Variants in NT5C1B observed in about 807,000 individuals in gnomAD.
NT5C1B encodes 5'-nucleotidase, cytosolic IB.
NT5C1B carries 44 observed loss-of-function variants against 57.8 expected under a neutral mutation model. The ratio of observed to expected loss-of-function variants is 0.76; its 90% CI spans 0.60 to 0.98. The LOEUF (loss-of-function observed/expected upper bound fraction) is 0.98, where lower values mean the gene tolerates loss of function less well. Among genes scored for constraint, NT5C1B ranks in the 50% least tolerant of loss-of-function variants. The pLI, the probability that NT5C1B is intolerant of heterozygous loss-of-function variation, is 0.00. For missense variants in NT5C1B, 742 were observed against 719.5 expected, an observed-to-expected ratio of 1.03 and a Z score of -0.36; for synonymous variants, 284 against 282.6, an observed-to-expected ratio of 1.00 and a Z score of -0.05.
At chr2:18,568,551 A>G (rs945476499) in intron 8 of NT5C1B, among the ~76,000 whole-genome samples, 1 of 152,226 alleles carries the variant, frequency 6.6e-6, no homozygotes, top group African/African-American at 2.4e-5. Context: ...TATGAAATAC[A>G]TATTTTTGCC....
chr2:18,586,426 C>A (rs1488098790), intron 2 of NT5C1B, 35 bp from the exon 3 acceptor site: 1 of 1,610,550 alleles, frequency 6.2e-7, no homozygotes, highest in South Asian at 1.1e-5. Context: ...CGGTGTAAAA[C>A]CCCATCACCA....
At chr2:18,571,603 A>C (rs1390249925) in intron 8 of NT5C1B, among the ~76,000 whole-genome samples, 1 of 151,050 alleles carries the variant, frequency 6.6e-6, no homozygotes, top group Non-Finnish European at 1.5e-5. Context: ...CTATAAATAA[A>C]ATAAAAATAA....
At chr2:18,585,477 C>T (rs528036216) in intron 3 of NT5C1B, among the ~76,000 whole-genome samples, 2 of 152,166 alleles carry the variant, frequency 1.3e-5, no homozygotes, top group Admixed American at 6.5e-5. Flanking sequence ...TGTCTCTCCC[C>T]GCTCCCCATG....
At chr2:18,587,408 T>A in intron 2 of NT5C1B, 95 bp downstream of exon 2, 1 of 1,561,130 alleles carries the variant, frequency 6.4e-7, no homozygotes, top group African/African-American at 1.4e-5. Context: ...TCTCAACAGC[T>A]TGGTCTTCTC....
intron 8 of NT5C1B, among the ~76,000 whole-genome samples, chr2:18,567,662 C>T (rs1664766633): frequency 6.6e-6 from 1 of 152,164 alleles, no homozygotes; most frequent in Non-Finnish European, 1.5e-5. Context: ...AAACCTAAAA[C>T]AACTTTAATA....
chr2:18,589,064 T>C (rs1359361234), intron 1 of NT5C1B, among the ~76,000 whole-genome samples: 1 of 152,224 alleles, frequency 6.6e-6, no homozygotes, highest in African/African-American at 2.4e-5. Flanking sequence ...TACATACTTT[T>C]ATGGAGCAAT....
chr2:18,566,882 G>A (rs1202270818), intron 8 of NT5C1B, among the ~76,000 whole-genome samples: 3 of 152,126 alleles, frequency 2.0e-5, no homozygotes, highest in Admixed American at 1.3e-4. Flanking sequence ...TAACCACCTA[G>A]CATGAAAACT....
At chr2:18,571,551 A>G (rs1665153415) in intron 8 of NT5C1B, among the ~76,000 whole-genome samples, 1 of 151,590 alleles carries the variant, frequency 6.6e-6, no homozygotes, top group South Asian at 2.1e-4. Context: ...CATGGACAGA[A>G]AGACTTAATA....
chr2:18,587,063 G>T (rs1237154064), intron 2 of NT5C1B: 2 of 1,614,086 alleles, frequency 1.2e-6, no homozygotes, highest in Non-Finnish European at 1.7e-6. Context: ...GTATTGTGTG[G>T]CAGGGGCCAA....
At chr2:18,571,171 A>G (rs1452812445) in intron 8 of NT5C1B, among the ~76,000 whole-genome samples, 1 of 152,216 alleles carries the variant, frequency 6.6e-6, no homozygotes, top group Non-Finnish European at 1.5e-5. Context: ...TACTGGATGT[A>G]CTAGCAAGGT....
At position 18,584,889 on chromosome 2, in the gene NT5C1B, C is replaced by T; in HGVS notation, c.348G>A (p.Ser116=). The T allele has an allele frequency of 6.3e-7, 1 of 1,580,460 alleles. No homozygotes were observed. Among genetic ancestry groups the T allele is most frequent in the Admixed American group, 1.8e-5 (1 of 56,732 alleles). ...GCTGGGGCGACGCGGGTGGCTGGAGCGAGGGCTGCCCGGACAGCGGCGGCG... is the reference window on the plus strand; with the variant it reads ...GCTGGGGCGACGCGGGTGGCTGGAGTGAGGGCTGCCCGGACAGCGGCGGCG... The change falls in exon 4 of 9, where the codon TCG becomes TCA. Residue 116 remains serine (S), a synonymous_variant. Transcript: ENST00000304081. The surrounding 1 kb of genome is among the most constrained non-coding windows in gnomAD (Gnocchi z 5.8).
chr2:18,572,891 T>C (rs914727478), intron 8 of NT5C1B, among the ~76,000 whole-genome samples: 1 of 152,256 alleles, frequency 6.6e-6, no homozygotes, highest in African/African-American at 2.4e-5. Context: ...AATTTTACTG[T>C]ATCTCATCAA....
At chr2:18,582,981 T>C (rs751737214) in exon 6 of NT5C1B, 4 of 1,613,820 alleles carry the variant, frequency 2.5e-6, no homozygotes, top group Non-Finnish European at 2.5e-6. Flanking sequence ...GAGTCTAGCA[T>C]TGACATACTG....
Position 18,586,339 on chromosome 2 carries a change from C to A in NT5C1B, c.173G>T (p.Arg58Leu), listed in dbSNP as rs367871143. Reference sequence around the variant, plus strand: ...CCGGGATATTCTAGACCATTGACTGCGCACAAGGTACCCTCGAGAGTCTGT... The same window carrying A: ...CCGGGATATTCTAGACCATTGACTGAGCACAAGGTACCCTCGAGAGTCTGT... The change falls in exon 3 of 9, where the codon CGC becomes CTC. Residue 58 changes from arginine (R) to leucine (L), a missense_variant. By Grantham distance (102) the Arg-to-Leu change is moderately radical. Transcript: ENST00000304081. The A allele has an allele frequency of 5.6e-6, 9 of 1,614,108 alleles. No individual in the cohort carries two copies. The highest frequency in any genetic ancestry group is 2.7e-5 in the African/African-American group (2 of 75,030).
chr2:18,584,748 T>G lies in NT5C1B; in HGVS notation c.489A>C (p.Glu163Asp), dbSNP rs1666531167. Residue 163 changes from glutamate (E) to aspartate (D), a missense_variant, in exon 4 of 9, where the codon GAA becomes GAC. Physicochemically the swap from Glu to Asp is conservative, Grantham distance 45 (BLOSUM62 2). Transcript: ENST00000304081. This position sits in a 1 kb window ranked among gnomAD's most constrained non-coding sequence, Gnocchi z 5.8. ...GCTGCGAGTCCCGGGTCTGGCGGATTTCCCGCACGATGCCTTGGGCCCAGG... is the reference window on the plus strand; with the variant it reads ...GCTGCGAGTCCCGGGTCTGGCGGATGTCCCGCACGATGCCTTGGGCCCAGG... The G allele has an allele frequency of 1.2e-6, 2 of 1,613,434 alleles. No homozygotes were observed. Among genetic ancestry groups the G allele is most frequent in the Non-Finnish European group, 1.7e-6 (2 of 1,179,752 alleles).
intron 5 of NT5C1B, chr2:18,583,424 C>T (rs1666358753): frequency 5.4e-6 from 1 of 184,388 alleles, no homozygotes. Flanking sequence ...TCATGCAAAT[C>T]GTCTCTCTTT....
intron 6 of NT5C1B, 38 bp downstream of exon 6, chr2:18,582,830 G>A (rs376101270): frequency 1.4e-4 from 225 of 1,599,410 alleles, no homozygotes; most frequent in Admixed American, 1.2e-3. Flanking sequence ...CTTTCAGAGC[G>A]GAGAGCTGGT....
At chr2:18,587,025 CA>C in intron 2 of NT5C1B, 1 of 1,614,218 alleles carries the variant, frequency 6.2e-7, no homozygotes, top group Non-Finnish European at 8.5e-7. Context: ...GCCCTGCTCC[CA>C]CAACAGGCAC....
At chr2:18,583,759 T>C (rs1032125612) in intron 5 of NT5C1B, 4 of 492,924 alleles carry the variant, frequency 8.1e-6, no homozygotes, top group Non-Finnish European at 1.6e-5. Flanking sequence ...TAATATGGCG[T>C]TTTATTTCTA....
Sources: gnomAD v4.1 joint callset for allele counts (sites outside exome capture counted in the v4.1 genomes callset) on GRCh38, gnomAD v4.1.1 for gene constraint, Gnocchi (gnomAD v3.1) non-coding constraint, MANE v1.5 for transcripts, NCBI Gene and HGNC (gene_info 2026-07-23, HGNC 2026-07-21) for gene names.